PBX3: variants seen among roughly 807,000 people sequenced by gnomAD.
PBX3 encodes the protein pre-B-cell leukemia transcription factor 3.
Under a neutral mutation model 48.5 loss-of-function variants are expected in PBX3, and 14 were observed. That is an observed-to-expected ratio of 0.29 (90% CI 0.19 to 0.45). The LOEUF is 0.45. Ranked by LOEUF, PBX3 falls within the 20% of genes least tolerant of loss-of-function variation. The pLI, the probability that PBX3 is intolerant of heterozygous loss-of-function variation, is 1.00. For synonymous variants in PBX3, 210 were observed against 200.3 expected (o/e 1.05, Z -0.41); for missense variants, 386 against 546.7 (o/e 0.71, Z 2.93).
At chr9:125,945,745 C>T (rs1842052178) in intron 5 of PBX3, among the ~76,000 whole-genome samples, 1 of 152,164 alleles carries the variant, frequency 6.6e-6, no homozygotes, top group Non-Finnish European at 1.5e-5. Flanking sequence ...TAAAGCTTGG[C>T]AGCAGTTATG....
rs978849239 is a variant in PBX3, at chr9:125,876,776, T to G, written c.275-38910T>G. On this transcript the variant is annotated intron_variant, in intron 2 of 8. Coordinates refer to ENST00000373489, the MANE Select transcript of PBX3 (RefSeq NM_006195.6). ...AAATCTTGTGTTGTTATCTTACTTTTTATATGTGTATGTCTTTCTTTCTTT... is the reference window on the plus strand; with the variant it reads ...AAATCTTGTGTTGTTATCTTACTTTGTATATGTGTATGTCTTTCTTTCTTT... Among the ~76,000 whole-genome samples the G allele has an allele frequency of 2.0e-5, 3 of 151,874 alleles. No individual in the cohort carries two copies. The East Asian group carries it at 5.8e-4, about 29-fold the overall frequency.
At chr9:125,894,553 G>T (rs1368498385) in intron 2 of PBX3, among the ~76,000 whole-genome samples, 1 of 152,054 alleles carries the variant, frequency 6.6e-6, no homozygotes, top group Non-Finnish European at 1.5e-5. Flanking sequence ...TAAAGTAAAT[G>T]CATGTCTTTG....
At chr9:125,791,685 C>T (rs999527118) in intron 2 of PBX3, among the ~76,000 whole-genome samples, 1 of 152,094 alleles carries the variant, frequency 6.6e-6, no homozygotes, top group Non-Finnish European at 1.5e-5. Flanking sequence ...CCTGTAATCC[C>T]AGCACTTTGG....
intron 2 of PBX3, among the ~76,000 whole-genome samples, chr9:125,842,293 G>A (rs762870811): frequency 6.6e-6 from 1 of 152,150 alleles, no homozygotes; most frequent in Non-Finnish European, 1.5e-5. Flanking sequence ...CAGTGGCTAT[G>A]CTCTGGCCTG....
intron 2 of PBX3, among the ~76,000 whole-genome samples, chr9:125,828,683 G>A (rs1482341588): frequency 2.0e-5 from 3 of 152,162 alleles, no homozygotes; most frequent in Non-Finnish European, 2.9e-5. Flanking sequence ...ACTTATGATA[G>A]GAAGTTATTG....
At chr9:125,754,148 T>C (rs1049489954) in intron 2 of PBX3, among the ~76,000 whole-genome samples, 1 of 152,132 alleles carries the variant, frequency 6.6e-6, no homozygotes, top group Admixed American at 6.6e-5. Flanking sequence ...GATTATCTTT[T>C]CCCTATTCGT....
At chr9:125,903,686 A>G (rs1223165796) in intron 2 of PBX3, among the ~76,000 whole-genome samples, 4 of 151,852 alleles carry the variant, frequency 2.6e-5, no homozygotes, top group Non-Finnish European at 5.9e-5. Flanking sequence ...AGAGTTCCCA[A>G]ATTTACTGAG....
intron 5 of PBX3, chr9:125,949,404 A>T: frequency 3.2e-6 from 5 of 1,550,856 alleles, no homozygotes; most frequent in African/African-American, 2.7e-5. Flanking sequence ...CAAAAGAAAG[A>T]GGGAGCAAAG....
chr9:125,786,508 A>G (rs1837461062), intron 2 of PBX3, among the ~76,000 whole-genome samples: 1 of 152,066 alleles, frequency 6.6e-6, no homozygotes, highest in Non-Finnish European at 1.5e-5. Context: ...ACTTCTTTTT[A>G]CTCTTTTATA....
chr9:125,855,514 AT>A (rs933690071), intron 2 of PBX3, among the ~76,000 whole-genome samples: 15 of 151,968 alleles, frequency 9.9e-5, no homozygotes, highest in African/African-American at 2.2e-4. Flanking sequence ...CAAGGTAAAG[AT>A]TTTTTTCTTT....
intron 3 of PBX3, 42 bp downstream of exon 3, chr9:125,915,969 T>A: frequency 1.3e-6 from 2 of 1,599,444 alleles, no homozygotes; most frequent in Admixed American, 3.4e-5. Flanking sequence ...AAACCCTCTG[T>A]TGCTCTTCTA....
intron 2 of PBX3, among the ~76,000 whole-genome samples, chr9:125,821,777 A>G (rs958790910): frequency 3.9e-5 from 6 of 152,138 alleles, no homozygotes; most frequent in African/African-American, 1.4e-4. Flanking sequence ...ATATAGTTTT[A>G]AAAAGTACAA....
chr9:125,881,826 T>C (rs925617816), intron 2 of PBX3, among the ~76,000 whole-genome samples: 3 of 151,956 alleles, frequency 2.0e-5, no homozygotes, highest in Non-Finnish European at 4.4e-5. Context: ...GCCTTAATAA[T>C]TTCCTGCTCT....
intron 2 of PBX3, among the ~76,000 whole-genome samples, chr9:125,812,398 C>T (rs1009277754): frequency 2.6e-5 from 4 of 152,136 alleles, no homozygotes; most frequent in African/African-American, 7.2e-5. Flanking sequence ...TTTTAACAGT[C>T]GTTAGATATT....
At chr9:125,830,175 G>A (rs1034578431) in intron 2 of PBX3, among the ~76,000 whole-genome samples, 1 of 152,066 alleles carries the variant, frequency 6.6e-6, no homozygotes, top group Non-Finnish European at 1.5e-5. Flanking sequence ...CGTAATATGA[G>A]CATTCAACTG....
intron 5 of PBX3, among the ~76,000 whole-genome samples, chr9:125,944,410 G>A (rs1399200704): frequency 6.6e-6 from 1 of 152,136 alleles, no homozygotes; most frequent in Non-Finnish European, 1.5e-5. Flanking sequence ...TATATGTCAG[G>A]CACTATGCCT....
chr9:125,957,111 A>G (rs958799730), intron 5 of PBX3, among the ~76,000 whole-genome samples: 2 of 152,262 alleles, frequency 1.3e-5, no homozygotes, highest in East Asian at 1.9e-4. Flanking sequence ...GATTGCTGCA[A>G]TACCCAAATC....
intron 2 of PBX3, among the ~76,000 whole-genome samples, chr9:125,789,884 C>G (rs1837552402): frequency 6.6e-6 from 1 of 152,086 alleles, no homozygotes; most frequent in African/African-American, 2.4e-5. Flanking sequence ...AAATAGGAAT[C>G]AATATTGGTG....
chr9:125,885,630 C>T (rs887619846), intron 2 of PBX3, among the ~76,000 whole-genome samples: 1 of 151,994 alleles, frequency 6.6e-6, no homozygotes, highest in Non-Finnish European at 1.5e-5. Flanking sequence ...TCCTATTACT[C>T]GCGAAGGTAG....
Sources: gnomAD v4.1 joint callset for allele counts (sites outside exome capture counted in the v4.1 genomes callset) on GRCh38, gnomAD v4.1.1 for gene constraint, MANE v1.5 for transcripts, NCBI Gene and HGNC (gene_info 2026-07-23, HGNC 2026-07-21) for gene names.